CCL28: variants seen among roughly 807,000 people sequenced by gnomAD.
CCL28 encodes the protein C-C motif chemokine 28.
Under a neutral mutation model 7.1 loss-of-function variants are expected in CCL28, and 4 were observed. The ratio of observed to expected loss-of-function variants is 0.56; its 90% CI spans 0.28 to 1.29. CCL28 has a LOEUF of 1.29. Ranked by LOEUF, CCL28 falls within the 50% of genes most tolerant of loss-of-function variation. The pLI, the probability that CCL28 is intolerant of heterozygous loss-of-function variation, is 0.11. For missense variants in CCL28, 151 were observed against 163.4 expected (o/e 0.92, Z 0.41); for synonymous variants, 55 against 57.8 (o/e 0.95, Z 0.22).
At chr5:43,377,781 G>A (rs1739944922), downstream of CCL28, among the ~76,000 whole-genome samples, 1 of 115,122 alleles carries the variant, frequency 8.7e-6, no homozygotes, top group Admixed American at 1.2e-4. Flanking sequence ...CGCCCAGGCT[G>A]GAGTGCAGTG....
downstream of CCL28, among the ~76,000 whole-genome samples, chr5:43,372,651 G>A (rs553670529): frequency 6.6e-6 from 1 of 152,120 alleles, no homozygotes; most frequent in East Asian, 1.9e-4. Flanking sequence ...TTACAAGGGC[G>A]AGCCACCATG....
At chr5:43,377,491 C>CAAAAAAAAAAAA (rs541924162), downstream of CCL28, 1 of 102,028 alleles carries the variant, frequency 9.8e-6, no homozygotes. Flanking sequence ...GACTCTGTAT[C>CAAAAAAAAAAAA]AAAAAAAAAA....
At chr5:43,407,500 G>T (rs1741334086) in intron 1 of CCL28, among the ~76,000 whole-genome samples, 1 of 152,192 alleles carries the variant, frequency 6.6e-6, no homozygotes, top group African/African-American at 2.4e-5. Flanking sequence ...ATTCAAGATG[G>T]ATTAAAGACT....
chr5:43,365,782 C>T, the CCL28 span, among the ~76,000 whole-genome samples: 10 of 152,340 alleles, frequency 6.6e-5, no homozygotes, highest in South Asian at 1.9e-3. Context: ...CTCCCCATCA[C>T]TTTCAGGTAC....
the CCL28 span, among the ~76,000 whole-genome samples, chr5:43,370,305 A>C: frequency 1.3e-5 from 2 of 152,116 alleles, no homozygotes; most frequent in African/African-American, 2.4e-5. Context: ...CCTCCATGCT[A>C]TGCTCCTACT....
chr5:43,378,192 T>C (rs371115258), downstream of CCL28, among the ~76,000 whole-genome samples: 2 of 150,694 alleles, frequency 1.3e-5, no homozygotes, highest in African/African-American at 2.5e-5. Flanking sequence ...AAAATAATAA[T>C]TTTTTAAAAA....
At chr5:43,407,135 A>T (rs570991342) in intron 1 of CCL28, among the ~76,000 whole-genome samples, 1 of 152,342 alleles carries the variant, frequency 6.6e-6, no homozygotes, top group African/African-American at 2.4e-5. Flanking sequence ...GAATTGGAAA[A>T]ATCTACTTTA....
chr5:43,383,901 A>G, intron 2 of CCL28: 1 of 156,002 alleles, frequency 6.4e-6, no homozygotes, highest in South Asian at 1.6e-4. Context: ...AGCCTGGCCA[A>G]CGTGGTGAAC....
intron 1 of CCL28, among the ~76,000 whole-genome samples, chr5:43,407,839 C>CAGACATTTCTGAAAAGA (rs371029709): frequency 0.65 from 98,838 of 151,194 alleles, 34,285 homozygotes; most frequent in African/African-American, 0.87. Flanking sequence ...AGGATATGAA[C>CAGACATTTCTGAAAAGA]AGACATTTCT....
chr5:43,383,810 G>A (rs1740221795), intron 2 of CCL28, among the ~76,000 whole-genome samples: 1 of 152,166 alleles, frequency 6.6e-6, no homozygotes, highest in Non-Finnish European at 1.5e-5. Flanking sequence ...ATGCAGGCTG[G>A]GCACGGTAGC....
At chr5:43,367,690 G>A in the CCL28 span, among the ~76,000 whole-genome samples, 1 of 152,024 alleles carries the variant, frequency 6.6e-6, no homozygotes, top group South Asian at 2.1e-4. Flanking sequence ...CCCTCTGTAG[G>A]CTGCACCCAC....
At chr5:43,362,374 A>G in the CCL28 span, among the ~76,000 whole-genome samples, 2 of 152,192 alleles carry the variant, frequency 1.3e-5, no homozygotes, top group South Asian at 2.1e-4. Context: ...TATCAGCATA[A>G]GAAGCTTTTG....
At chr5:43,393,322 C>T (rs184330952) in intron 1 of CCL28, among the ~76,000 whole-genome samples, 4 of 152,062 alleles carry the variant, frequency 2.6e-5, no homozygotes, top group Non-Finnish European at 5.9e-5. Flanking sequence ...GCATGAGCTA[C>T]CACCACACCC....
the CCL28 span, among the ~76,000 whole-genome samples, chr5:43,364,368 A>G: frequency 1.3e-5 from 2 of 152,000 alleles, 1 homozygote; most frequent in Admixed American, 1.3e-4. Flanking sequence ...AGAGTGTTTT[A>G]TATGTTTATG....
At chr5:43,393,531 T>G (rs1264221474) in intron 1 of CCL28, among the ~76,000 whole-genome samples, 1 of 151,998 alleles carries the variant, frequency 6.6e-6, no homozygotes, top group Non-Finnish European at 1.5e-5. Flanking sequence ...ATTTTTGTAT[T>G]TTTAGTAGAG....
intron 2 of CCL28, among the ~76,000 whole-genome samples, chr5:43,382,714 T>G (rs1740170066): frequency 1.3e-5 from 2 of 151,948 alleles, no homozygotes; most frequent in African/African-American, 4.9e-5. Context: ...AAAACTTAAA[T>G]TAACAAAACA....
At chr5:43,364,496 T>G in the CCL28 span, among the ~76,000 whole-genome samples, 2 of 152,240 alleles carry the variant, frequency 1.3e-5, no homozygotes, top group Middle Eastern at 6.8e-3. Flanking sequence ...TTGATAAAAA[T>G]AAAGAATTTT....
chr5:43,388,327 C>A (rs753402657), intron 2 of CCL28, 23 bp downstream of exon 2: 1 of 1,613,680 alleles, frequency 6.2e-7, no homozygotes, highest in South Asian at 1.1e-5. Context: ...CAGGTTTAGA[C>A]CTCCCGGCTG....
the CCL28 span, among the ~76,000 whole-genome samples, chr5:43,362,905 G>A: frequency 6.6e-6 from 1 of 152,104 alleles, no homozygotes; most frequent in Admixed American, 6.6e-5. Flanking sequence ...TCCTTTCAGG[G>A]AATCAGAACC....
Sources: allele counts gnomAD v4.1 joint callset (sites outside exome capture counted in the v4.1 genomes callset), GRCh38; gene constraint gnomAD v4.1.1; transcripts MANE v1.5; gene names NCBI Gene and HGNC (gene_info 2026-07-23, HGNC 2026-07-21).